SHISA6: variants seen among roughly 807,000 people sequenced by gnomAD.
SHISA6 encodes protein shisa-6.
A neutral mutation model predicts 47.9 loss-of-function variants in SHISA6; 22 were observed. That is an observed-to-expected ratio of 0.46 (90% confidence interval 0.33 to 0.66). SHISA6 has a LOEUF of 0.66. Ranked by LOEUF, SHISA6 falls within the 30% of genes least tolerant of loss-of-function variation. The pLI is 0.02. For synonymous variants in SHISA6, 388 were observed against 337.8 expected (o/e 1.15, Z -1.63); for missense variants, 680 against 764.6 (o/e 0.89, Z 1.30).
chr17:11,360,682 C>T (rs754094662), intron 2 of SHISA6, among the ~76,000 whole-genome samples: 2 of 151,464 alleles, frequency 1.3e-5, no homozygotes, highest in Non-Finnish European at 2.9e-5. Context: ...CTTATGTATG[C>T]GGGGCTTAAA....
At chr17:11,273,203 G>T (rs553427062) in intron 2 of SHISA6, among the ~76,000 whole-genome samples, 94 of 152,340 alleles carry the variant, frequency 6.2e-4, no homozygotes, top group African/African-American at 2.2e-3. Flanking sequence ...CAGCCAGGAG[G>T]GGGTGCTGAC....
chr17:11,313,589 AG>A (rs1452657498), intron 2 of SHISA6, among the ~76,000 whole-genome samples: 2 of 152,182 alleles, frequency 1.3e-5, no homozygotes, highest in Non-Finnish European at 2.9e-5. Flanking sequence ...AGAAATTAAA[AG>A]GGGCATCTCT....
At chr17:11,419,133 G>A (rs1914376399) in intron 3 of SHISA6, among the ~76,000 whole-genome samples, 1 of 151,910 alleles carries the variant, frequency 6.6e-6, no homozygotes, top group Non-Finnish European at 1.5e-5. Context: ...GAGTTAATGG[G>A]TGCAGCACAC....
intron 3 of SHISA6, among the ~76,000 whole-genome samples, chr17:11,532,977 A>T (rs1053881070): frequency 6.6e-6 from 1 of 152,036 alleles, no homozygotes; most frequent in Non-Finnish European, 1.5e-5. Context: ...GATCTGGCAG[A>T]CTGCGTGAGT....
At chr17:11,449,313 T>C (rs2014194) in intron 3 of SHISA6, among the ~76,000 whole-genome samples, 30,144 of 151,788 alleles carry the variant, frequency 0.2, 3,153 homozygotes, top group South Asian at 0.34. Context: ...CGTGGTAGCA[T>C]GTGCCTGTAG....
At chr17:11,312,821 T>C (rs1910382493) in intron 2 of SHISA6, among the ~76,000 whole-genome samples, 1 of 152,192 alleles carries the variant, frequency 6.6e-6, no homozygotes, top group African/African-American at 2.4e-5. Context: ...GGCATCTAGG[T>C]TGTCGTTTTT....
At chr17:11,277,156 G>C (rs577296286) in intron 2 of SHISA6, among the ~76,000 whole-genome samples, 6 of 151,936 alleles carry the variant, frequency 3.9e-5, no homozygotes, top group Non-Finnish European at 8.8e-5. Context: ...GAGCTGGGGT[G>C]TTCAGTTCTC....
chr17:11,486,951 C>A (rs924310801), intron 3 of SHISA6, among the ~76,000 whole-genome samples: 2 of 152,246 alleles, frequency 1.3e-5, no homozygotes, highest in Non-Finnish European at 2.9e-5. Flanking sequence ...AATCCGGTGC[C>A]ACCTGCTTTC....
chr17:11,241,740 G>A lies in SHISA6; in HGVS notation c.318G>A (p.Lys106=). ...GYYDVSGQYD[K]EFECNNSESG... ...ACGACGTGAGCGGCCAGTACGACAA[G>A]GAGTTCGAGTGTAACAACAGCGAGA... The change falls in exon 1 of 6, where the codon AAG becomes AAA. Residue 106 remains lysine (K), a synonymous_variant. Coordinates refer to ENST00000441885, the MANE Select transcript of SHISA6 (RefSeq NM_207386.4). This position sits in a 1 kb window ranked among gnomAD's most constrained non-coding sequence, Gnocchi z 5.5. 1 of 1,545,042 alleles carries A rather than the reference G, an allele frequency of 6.5e-7. No individual in the cohort carries two copies. The highest frequency in any genetic ancestry group is 8.7e-7 in the Non-Finnish European group (1 of 1,146,908).
In SHISA6 at chr17:11,405,498, A is replaced by G. The variant is rs1044296052; in HGVS notation, c.895+25989A>G. Among the ~76,000 whole-genome samples the G allele has an allele frequency of 8.5e-5, 13 of 152,244 alleles. No individual in the cohort carries two copies. The East Asian group carries it at 2.3e-3, about 27-fold the overall frequency. On this transcript the variant is annotated intron_variant, in intron 3 of 5. Transcript: ENST00000441885. ...ACATCACTAATTTCTAAAGCTTCCC[A>G]GGTAATAACATTATGCAGCTCTGGG...
At chr17:11,293,384 G>A (rs1025640096) in intron 2 of SHISA6, among the ~76,000 whole-genome samples, 1 of 152,160 alleles carries the variant, frequency 6.6e-6, no homozygotes, top group Admixed American at 6.5e-5. Flanking sequence ...ACTACTACAT[G>A]TTAAAAGCAA....
intron 3 of SHISA6, among the ~76,000 whole-genome samples, chr17:11,389,346 C>G (rs549008712): frequency 6.6e-6 from 1 of 152,144 alleles, no homozygotes; most frequent in Non-Finnish European, 1.5e-5. Flanking sequence ...TGCTTGCTTG[C>G]GGAAGTTTCA....
intron 2 of SHISA6, among the ~76,000 whole-genome samples, chr17:11,335,203 C>T (rs1911277865): frequency 6.6e-6 from 1 of 152,204 alleles, no homozygotes; most frequent in Admixed American, 6.5e-5. Context: ...CAGATCTGCC[C>T]AGCTCTCTGC....
At chr17:11,259,643 C>T (rs899540179) in intron 1 of SHISA6, among the ~76,000 whole-genome samples, 3 of 152,228 alleles carry the variant, frequency 2.0e-5, no homozygotes, top group Non-Finnish European at 2.9e-5. Context: ...AATTCAGATA[C>T]ACTTTCATTC....
At chr17:11,423,333 A>G (rs1567602069) in intron 3 of SHISA6, among the ~76,000 whole-genome samples, 2 of 13,978 alleles carry the variant, frequency 1.4e-4, no homozygotes, top group Non-Finnish European at 3.1e-4. Flanking sequence ...ATATATAGAT[A>G]GATAGATAGA....
intron 1 of SHISA6, among the ~76,000 whole-genome samples, chr17:11,246,453 G>A (rs1907596431): frequency 6.6e-6 from 1 of 152,164 alleles, no homozygotes; most frequent in Non-Finnish European, 1.5e-5. Flanking sequence ...TCGCACCACT[G>A]CACTCCAACC....
chr17:11,511,057 G>A (rs1333785823), intron 3 of SHISA6, among the ~76,000 whole-genome samples: 1 of 152,136 alleles, frequency 6.6e-6, no homozygotes, highest in Non-Finnish European at 1.5e-5. Context: ...GATGACATAT[G>A]AACAGGGCTT....
At chr17:11,345,988 A>C (rs1244350827) in intron 2 of SHISA6, among the ~76,000 whole-genome samples, 4 of 152,132 alleles carry the variant, frequency 2.6e-5, no homozygotes, top group African/African-American at 9.6e-5. Context: ...TAGCACCTCC[A>C]GTACAATAAA....
Position 11,489,884 on chromosome 17 carries a change from T to TCA in SHISA6, c.896-62003_896-62002dup, listed in dbSNP as rs1307825945. On this transcript the variant is annotated intron_variant, in intron 3 of 5. Coordinates refer to ENST00000441885, the MANE Select transcript of SHISA6 (RefSeq NM_207386.4). ...CAATTCCCCCCTTCCCCAACCACCA[T>TCA]CACACACACAGCAAAGAATTATGCA... Among the ~76,000 whole-genome samples, 11 of 152,202 alleles carry TCA rather than the reference T, an allele frequency of 7.2e-5. No individual in the cohort carries two copies. In the South Asian group the frequency reaches 2.3e-3, roughly 32 times the overall value.
Sources: gnomAD v4.1 joint callset for allele counts (sites outside exome capture counted in the v4.1 genomes callset) on GRCh38, gnomAD v4.1.1 for gene constraint, Gnocchi (gnomAD v3.1) non-coding constraint, MANE v1.5 for transcripts, NCBI Gene and HGNC (gene_info 2026-07-23, HGNC 2026-07-21) for gene names.